GJA3: variants seen among roughly 807,000 people sequenced by gnomAD.
GJA3 encodes gap junction alpha-3 protein.
For synonymous variants in GJA3, 297 were observed against 292.6 expected, an observed-to-expected ratio of 1.02 and a Z score of -0.15; for missense variants, 571 against 620.3, an observed-to-expected ratio of 0.92 and a Z score of 0.84.
At chr13:20,158,080 C>G (rs1262432393) in intron 1 of GJA3, among the ~76,000 whole-genome samples, 1 of 152,144 alleles carries the variant, frequency 6.6e-6, no homozygotes, top group African/African-American at 2.4e-5. Flanking sequence ...TCAAGAGATC[C>G]TCCTGCCTCA....
chr13:20,150,823 G>A (rs1221265431), intron 1 of GJA3, among the ~76,000 whole-genome samples: 2 of 152,158 alleles, frequency 1.3e-5, no homozygotes, highest in Non-Finnish European at 2.9e-5. Context: ...TGAGGCAGGG[G>A]TGACTCTGCG....
At position 20,138,603 on chromosome 13, in the gene GJA3, T is replaced by C. The variant is rs1465920374; in HGVS notation, c.*3378A>G. ...GAAAAGTGCCTTCCCTGACCTTAAA[T>C]GTACAATGTCCATATGCTATATTAA... On this transcript the variant is annotated 3_prime_UTR_variant, in exon 2 of 2. Coordinates refer to ENST00000241125, the MANE Select transcript of GJA3 (RefSeq NM_021954.4). 1 of 142,382 alleles carries C rather than the reference T, an allele frequency of 7.0e-6. No individual in the cohort carries two copies. The highest frequency in any genetic ancestry group is 1.6e-5 in the Non-Finnish European group (1 of 64,158). The allele number at this position is 142,382 out of a possible 1,614,324, so 8.8% of individuals were successfully genotyped here. A position where few individuals can be genotyped will look rare whatever the true frequency, so the allele number is the denominator to read the frequency against.
At chr13:20,143,333 C>T (rs766496304) in intron 1 of GJA3, 28 bp from the exon 2 acceptor site, 5 of 1,450,742 alleles carry the variant, frequency 3.4e-6, no homozygotes, top group South Asian at 1.4e-5. Flanking sequence ...TCATGAACAC[C>T]GGGCTGCAAC....
rs1251075667 is a variant in GJA3, at chr13:20,141,069, C to T, written c.*912G>A. On this transcript the variant is annotated 3_prime_UTR_variant, in exon 2 of 2. Coordinates refer to ENST00000241125, the MANE Select transcript of GJA3 (RefSeq NM_021954.4). The stretch of plus-strand genomic sequence containing the variant: ...CTTTAGTAAAGATGCTAGTAGCATG[C>T]ATTAGGGCAAATTAGCACTGTCTTG... 3.9e-5 allele frequency: 6 copies of T among 152,172 alleles called. No individual in the cohort carries two copies. The highest frequency in any genetic ancestry group is 9.7e-5 in the African/African-American group (4 of 41,438). The allele number at this position is 152,172 out of a possible 1,614,324, so 9.4% of individuals were successfully genotyped here.
chr13:20,153,793 AATT>A (rs927856916), intron 1 of GJA3, among the ~76,000 whole-genome samples: 1 of 119,924 alleles, frequency 8.3e-6, no homozygotes. Context: ...AATAATAAAA[AATT>A]AAATTAAAAA....
chr13:20,152,499 CT>C (rs1958884401), intron 1 of GJA3, among the ~76,000 whole-genome samples: 1 of 152,066 alleles, frequency 6.6e-6, no homozygotes, highest in Admixed American at 6.5e-5. Flanking sequence ...ATTCTTGTGC[CT>C]CAGCCTCATG....
Position 20,141,801 on chromosome 13 carries a change from A to T in GJA3, c.*180T>A. 1 of 905,432 alleles carries T rather than the reference A, an allele frequency of 1.1e-6. No homozygotes were observed. Among genetic ancestry groups the T allele is most frequent in the Non-Finnish European group, 1.6e-6 (1 of 608,320 alleles). The allele number at this position is 905,432 out of a possible 1,614,324, so 56.1% of individuals were successfully genotyped here. ...TATCCCCACTGTAACTCACAGTGCT[A>T]AGAACAGCAAGCATTGAACACGGAA... On this transcript the variant is annotated 3_prime_UTR_variant, in exon 2 of 2. Coordinates refer to ENST00000241125, the MANE Select transcript of GJA3 (RefSeq NM_021954.4).
chr13:20,143,259 G>A lies in GJA3; in HGVS notation c.30C>T (p.Leu10=), dbSNP rs1566515492. 2.0e-6 allele frequency: 3 copies of A among 1,525,812 alleles called. No individual in the cohort carries two copies. Among genetic ancestry groups the A allele is most frequent in the Non-Finnish European group, 2.6e-6 (3 of 1,137,940 alleles). 94.5% of individuals were successfully genotyped at this position (1,525,812 alleles called of 1,614,324 possible). A position where few individuals can be genotyped will look rare whatever the true frequency, so the allele number is the denominator to read the frequency against. The change falls in exon 2 of 2, where the codon CTC becomes CTT. Residue 10 remains leucine (L), a synonymous_variant. Coordinates refer to ENST00000241125, the MANE Select transcript of GJA3 (RefSeq NM_021954.4). ...TGGAGTGCTCCTGTGCATTTTCTAAGAGTCTTCCCAGAAAGCTCCAGTCGC... is the reference window on the plus strand; with the variant it reads ...TGGAGTGCTCCTGTGCATTTTCTAAAAGTCTTCCCAGAAAGCTCCAGTCGC... MGDWSFLGR[L]LENAQEHSTV... is the part of the protein sequence containing the mutation.
At chr13:20,157,896 C>G (rs1378934409) in intron 1 of GJA3, among the ~76,000 whole-genome samples, 1 of 150,466 alleles carries the variant, frequency 6.6e-6, no homozygotes, top group Admixed American at 6.6e-5. Flanking sequence ...TTTTCTGTCA[C>G]ACTTATGGCT....
rs1301528027 is a variant in GJA3, at chr13:20,139,680, C to CT, written c.*2300dup. 1 of 152,186 alleles carries CT rather than the reference C, an allele frequency of 6.6e-6. No homozygotes were observed. The highest frequency in any genetic ancestry group is 1.5e-5 in the Non-Finnish European group (1 of 68,044). The allele number at this position is 152,186 out of a possible 1,614,324, so 9.4% of individuals were successfully genotyped here. On this transcript the variant is annotated 3_prime_UTR_variant, in exon 2 of 2. Coordinates refer to ENST00000241125, the MANE Select transcript of GJA3 (RefSeq NM_021954.4). ...TCAAGTAGGTGAATCTAATTCTACA[C>CT]TCCTATCCACTCTAAATGGACCCAC...
intron 1 of GJA3, among the ~76,000 whole-genome samples, chr13:20,146,392 CTACT>C (rs369621728): frequency 4.6e-5 from 7 of 152,364 alleles, no homozygotes; most frequent in African/African-American, 1.7e-4. Context: ...GGCCAAATAA[CTACT>C]TATTCAACTG....
intron 1 of GJA3, among the ~76,000 whole-genome samples, chr13:20,159,148 CATTT>C (rs1019364383): frequency 2.6e-5 from 4 of 151,572 alleles, no homozygotes; most frequent in African/African-American, 9.7e-5. Context: ...ATTCAGTAAA[CATTT>C]ATTATTATTA....
intron 1 of GJA3, among the ~76,000 whole-genome samples, chr13:20,148,089 C>G (rs527522393): frequency 6.6e-6 from 1 of 151,972 alleles, no homozygotes; most frequent in Non-Finnish European, 1.5e-5. Flanking sequence ...AAAATTTAAC[C>G]AGAACACAGA....
Position 20,141,661 on chromosome 13 carries a change from A to C in GJA3, c.*320T>G. The C allele has an allele frequency of 2.6e-6, 1 of 378,072 alleles. No homozygotes were observed. The highest frequency in any genetic ancestry group is 4.8e-5 in the East Asian group (1 of 20,892). 23.4% of individuals were successfully genotyped at this position (378,072 alleles called of 1,614,324 possible). On this transcript the variant is annotated 3_prime_UTR_variant, in exon 2 of 2. Transcript: ENST00000241125. The stretch of plus-strand genomic sequence containing the variant: ...GCAGGATACCTGTTGCTTTACCACT[A>C]CAGAACAGTTACCCCCAGAGACAGC...
intron 1 of GJA3, among the ~76,000 whole-genome samples, chr13:20,156,554 T>C (rs904177988): frequency 6.6e-6 from 1 of 152,166 alleles, no homozygotes; most frequent in African/African-American, 2.4e-5. Flanking sequence ...TCAGGTGATC[T>C]GTGCACCCTG....
chr13:20,153,946 G>A (rs73154192), intron 1 of GJA3, among the ~76,000 whole-genome samples: 13,235 of 151,998 alleles, frequency 0.087, 668 homozygotes, highest in Non-Finnish European at 0.12. Flanking sequence ...ATTAGTTTTC[G>A]TCTCCGGAAG....
Position 20,141,946 on chromosome 13 carries a change from C to G in GJA3, c.*35G>C, listed in dbSNP as rs1223538085. On this transcript the variant is annotated 3_prime_UTR_variant, in exon 2 of 2. Coordinates refer to ENST00000241125, the MANE Select transcript of GJA3 (RefSeq NM_021954.4). ...TGGTTTTGGTTTCTAAGAAAAAGAT[C>G]ACTACACAGCTGTCTGGAGGCAGGC... 6.5e-7 allele frequency: 1 copy of G among 1,545,644 alleles called. No homozygotes were observed. The highest frequency in any genetic ancestry group is 1.2e-5 in the South Asian group (1 of 83,730).
At chr13:20,156,262 CT>C (rs35631292) in intron 1 of GJA3, among the ~76,000 whole-genome samples, 40,987 of 151,920 alleles carry the variant, frequency 0.27, 6,984 homozygotes, top group Non-Finnish European at 0.38. Context: ...AGGAACTAAT[CT>C]TTTTTTACCT....
chr13:20,161,491 T>G (rs1313444895), upstream of GJA3, among the ~76,000 whole-genome samples: 1 of 151,962 alleles, frequency 6.6e-6, no homozygotes, highest in Non-Finnish European at 1.5e-5. Context: ...GCTCCCACGG[T>G]CGGAGGCGCG....
Sources: gnomAD v4.1 joint callset for allele counts (sites outside exome capture counted in the v4.1 genomes callset) on GRCh38, gnomAD v4.1.1 for gene constraint, MANE v1.5 for transcripts, NCBI Gene and HGNC (gene_info 2026-07-23, HGNC 2026-07-21) for gene names.